Variants in PIK3C2A observed in about 807,000 individuals in gnomAD.
The protein encoded by PIK3C2A is phosphatidylinositol 4-phosphate 3-kinase C2 domain-containing subunit alpha.
PIK3C2A carries 97 observed loss-of-function variants against 204.5 expected under a neutral mutation model. The ratio of observed to expected loss-of-function variants is 0.47; its 90% CI spans 0.40 to 0.56. PIK3C2A has a LOEUF of 0.56. PIK3C2A is among the 20% of genes least tolerant of loss of function. PIK3C2A has a pLI of 0.00. For missense variants in PIK3C2A, 1,735 were observed against 1,969.2 expected, an observed-to-expected ratio of 0.88 and a Z score of 2.25; for synonymous variants, 653 against 664.4, an observed-to-expected ratio of 0.98 and a Z score of 0.26.
At chr11:17,113,981 G>A (rs1180166571) in intron 20 of PIK3C2A, among the ~76,000 whole-genome samples, 2 of 151,950 alleles carry the variant, frequency 1.3e-5, no homozygotes, top group Non-Finnish European at 2.9e-5. Flanking sequence ...TCAGGAGGAT[G>A]AGGCAGGAGA....
At chr11:17,152,007 A>T (rs1163981454) in intron 3 of PIK3C2A, among the ~76,000 whole-genome samples, 2 of 152,180 alleles carry the variant, frequency 1.3e-5, no homozygotes, top group African/African-American at 4.8e-5. Flanking sequence ...GAAACCGTTA[A>T]GGATGACAAA....
At chr11:17,200,328 A>C (rs893791957) in intron 1 of PIK3C2A, among the ~76,000 whole-genome samples, 2 of 152,208 alleles carry the variant, frequency 1.3e-5, no homozygotes, top group Admixed American at 6.5e-5. Context: ...AACATAGGGG[A>C]AACTAGGTGC....
chr11:17,138,014 C>CT, intron 8 of PIK3C2A: 1 of 623,958 alleles, frequency 1.6e-6, no homozygotes, highest in Non-Finnish European at 3.0e-6. Context: ...GCTTTCAACA[C>CT]TTTCACAATG....
rs767129539 is a variant in PIK3C2A, at chr11:17,119,986, A to G, written c.2658-12T>C. 8.3e-7 allele frequency: 1 copy of G among 1,206,628 alleles called. No homozygotes were observed. The allele number at this position is 1,206,628 out of a possible 1,614,324, so 74.7% of individuals were successfully genotyped here. A position where few individuals can be genotyped will look rare whatever the true frequency, so the allele number is the denominator to read the frequency against. On this transcript the variant is annotated splice_polypyrimidine_tract_variant and intron_variant, in intron 15 of 32. Coordinates refer to ENST00000691414, the MANE Select transcript of PIK3C2A (RefSeq NM_002645.4). ...CTTCTTTAGAAAGTCTGCATATATA[A>G]TAGAATTAAATTACTTCTCAGTGAT...
At chr11:17,114,585 T>C in intron 19 of PIK3C2A, 120 bp from the exon 20 acceptor site, 1 of 554,690 alleles carries the variant, frequency 1.8e-6, no homozygotes, top group Non-Finnish European at 3.3e-6. Flanking sequence ...AAAAAAAGGT[T>C]GTTACTAAAG....
At position 17,156,779 on chromosome 11, in the gene PIK3C2A, G is replaced by A. The variant is rs150629533; in HGVS notation, c.1066-1150C>T. Among the ~76,000 whole-genome samples the A allele has an allele frequency of 7.9e-4, 120 of 152,112 alleles. 2 individuals carry two copies. In the South Asian group the frequency reaches 9.1e-3, roughly 12 times the overall value. The stretch of plus-strand genomic sequence containing the variant: ...ATTTGGAGAAAAAAATAAATACTTC[G>A]AGTGCTACAAAACCACAATTAAAAG... On this transcript the variant is annotated intron_variant, in intron 2 of 32. Transcript: ENST00000691414.
chr11:17,171,069 T>C (rs1851140557), intron 1 of PIK3C2A, among the ~76,000 whole-genome samples: 1 of 152,186 alleles, frequency 6.6e-6, no homozygotes, highest in Non-Finnish European at 1.5e-5. Flanking sequence ...CGTCACTGCA[T>C]TCCAGCCTGG....
intron 6 of PIK3C2A, among the ~76,000 whole-genome samples, chr11:17,146,830 G>A (rs1027732287): frequency 7.9e-5 from 12 of 151,856 alleles, no homozygotes; most frequent in Non-Finnish European, 1.5e-5. Flanking sequence ...CAATTGAAAT[G>A]AATTCTACCT....
chr11:17,190,796 G>C (rs935930325), intron 1 of PIK3C2A, among the ~76,000 whole-genome samples: 25 of 152,030 alleles, frequency 1.6e-4, no homozygotes, highest in Admixed American at 3.3e-4. Flanking sequence ...AAATGAAACA[G>C]AGAAAAAGAG....
intron 12 of PIK3C2A, among the ~76,000 whole-genome samples, chr11:17,130,806 CAAAAAAA>C (rs1224352745): frequency 3.7e-5 from 2 of 54,744 alleles, no homozygotes; most frequent in Non-Finnish European, 7.5e-5. Flanking sequence ...GACTCCATCT[CAAAAAAA>C]AAAAAAAAAG....
chr11:17,204,756 A>G (rs2137593492), intron 1 of PIK3C2A, among the ~76,000 whole-genome samples: 1 of 152,322 alleles, frequency 6.6e-6, no homozygotes, highest in South Asian at 2.1e-4. Flanking sequence ...GAGCTTTGAG[A>G]GGGTTAATTT....
At chr11:17,187,595 T>C (rs971004298) in intron 1 of PIK3C2A, among the ~76,000 whole-genome samples, 7 of 152,024 alleles carry the variant, frequency 4.6e-5, no homozygotes, top group Non-Finnish European at 1.0e-4. Flanking sequence ...AAAGACAGTT[T>C]TGGAGAAGTA....
At chr11:17,146,040 A>C in intron 6 of PIK3C2A, 98 bp from the exon 7 acceptor site, 3 of 799,490 alleles carry the variant, frequency 3.8e-6, no homozygotes, top group Non-Finnish European at 5.9e-6. Context: ...TCTTGCAACT[A>C]AAGTGTTTTT....
intron 1 of PIK3C2A, among the ~76,000 whole-genome samples, chr11:17,174,247 G>T (rs1281265162): frequency 2.6e-5 from 4 of 152,094 alleles, no homozygotes; most frequent in Non-Finnish European, 5.9e-5. Context: ...CACCTATTGT[G>T]GAACACCAAA....
At chr11:17,098,490 A>C (rs1429828660) in intron 26 of PIK3C2A, among the ~76,000 whole-genome samples, 2 of 152,240 alleles carry the variant, frequency 1.3e-5, no homozygotes, top group Non-Finnish European at 2.9e-5. Flanking sequence ...GAACTGTGAG[A>C]AAATAAATAT....
At position 17,168,878 on chromosome 11, in the gene PIK3C2A, G is replaced by T; in HGVS notation, c.864C>A (p.Asp288Glu). 2.5e-6 allele frequency: 4 copies of T among 1,614,054 alleles called. No homozygotes were observed. The highest frequency in any genetic ancestry group is 1.1e-5 in the South Asian group (1 of 91,084). The change falls in exon 2 of 33, where the codon GAC becomes GAA. Residue 288 changes from aspartate (D) to glutamate (E), a missense_variant. Physicochemically the swap from Asp to Glu is conservative, Grantham distance 45 (BLOSUM62 2). Coordinates refer to ENST00000691414, the MANE Select transcript of PIK3C2A (RefSeq NM_002645.4). ...TTGAAACATTTTTCTCTTCCTCATG[G>T]TCTAATACCTCCACATTATCCACCT... ...KPKVDNVEVL[D>E]HEEEKNVSSL...
At chr11:17,191,949 A>G (rs1851958562) in intron 1 of PIK3C2A, among the ~76,000 whole-genome samples, 1 of 151,630 alleles carries the variant, frequency 6.6e-6, no homozygotes, top group Non-Finnish European at 1.5e-5. Context: ...CCTAAGAAAC[A>G]TAAGGAAACC....
chr11:17,128,941 T>C (rs1342308134), intron 13 of PIK3C2A, among the ~76,000 whole-genome samples: 1 of 152,170 alleles, frequency 6.6e-6, no homozygotes, highest in Non-Finnish European at 1.5e-5. Flanking sequence ...AGGAAAGAAA[T>C]GGGAAAAGGA....
intron 15 of PIK3C2A, 22 bp from the exon 16 acceptor site, chr11:17,119,996 A>G (rs369512747): frequency 1.0e-4 from 111 of 1,097,864 alleles, no homozygotes; most frequent in Non-Finnish European, 1.4e-4. Flanking sequence ...ATAGAATTAA[A>G]TTACTTCTCA....
Sources: allele counts gnomAD v4.1 joint callset (sites outside exome capture counted in the v4.1 genomes callset), GRCh38; gene constraint gnomAD v4.1.1; transcripts MANE v1.5; gene names NCBI Gene and HGNC (gene_info 2026-07-23, HGNC 2026-07-21).